IL3RA: variants seen among roughly 807,000 people sequenced by gnomAD.
The protein encoded by IL3RA is interleukin-3 receptor subunit alpha.
A neutral mutation model predicts 52.3 loss-of-function variants in IL3RA; 73 were observed. The ratio of observed to expected loss-of-function variants is 1.40; its 90% CI spans 1.16 to 1.70. The LOEUF is 1.70. IL3RA is among the 40% of genes most tolerant of loss of function. The probability of loss-of-function intolerance (pLI) is 0.00; values close to 1 mark genes in which losing one functional copy is unlikely to be tolerated. For missense variants in IL3RA, 664 were observed against 504.4 expected (o/e 1.32, Z -3.03); for synonymous variants, 260 against 194.0 (o/e 1.34, Z -2.83).
chrX:1,380,967 G>C, intron 10 of IL3RA, 56 bp from the exon 11 acceptor site: 1 of 1,438,134 alleles, frequency 7.0e-7, no homozygotes, highest in South Asian at 1.1e-5. Context: ...CTGTGTCCCA[G>C]ATGATGAGCT....
intron 3 of IL3RA, among the ~76,000 whole-genome samples, chrX:1,347,338 G>A (rs2085791288): frequency 6.6e-6 from 1 of 151,166 alleles, no homozygotes; most frequent in Admixed American, 6.6e-5. Flanking sequence ...CAGCTACTCG[G>A]GAGGCTGAGG....
intron 2 of IL3RA, 151 bp from the exon 3 acceptor site, chrX:1,345,165 T>C (rs140676830): frequency 0.051 from 27,068 of 533,398 alleles, 985 homozygotes; most frequent in Non-Finnish European, 0.069. Flanking sequence ...TGAAACTCCA[T>C]GTCAAAAAAT....
intron 6 of IL3RA, 57 bp from the exon 7 acceptor site, chrX:1,356,163 AG>A (rs2086687975): frequency 1.8e-6 from 2 of 1,119,970 alleles, no homozygotes; most frequent in Non-Finnish European, 2.6e-6. Flanking sequence ...AAAGAGAAAA[AG>A]AAAAAGAATT....
intron 1 of IL3RA, 91 bp from the exon 2 acceptor site, chrX:1,341,637 C>T (rs2085501485): frequency 4.3e-6 from 4 of 940,418 alleles, no homozygotes; most frequent in East Asian, 4.8e-5. Flanking sequence ...CTGCTGTGAG[C>T]ACCAGGCTCT....
intron 1 of IL3RA, 103 bp from the exon 2 acceptor site, chrX:1,341,625 T>C: frequency 5.9e-6 from 5 of 844,756 alleles, no homozygotes; most frequent in Non-Finnish European, 9.6e-6. Context: ...AAGCAGCTCC[T>C]TCTGCTGTGA....
At chrX:1,356,456 T>A in intron 7 of IL3RA, 120 bp downstream of exon 7, 2 of 651,098 alleles carry the variant, frequency 3.1e-6, no homozygotes, top group Non-Finnish European at 2.7e-6. Flanking sequence ...ACAGAAGGCA[T>A]GGATCATTAA....
At chrX:1,348,644 C>CTCTCTTTCTT (rs1556618954) in intron 4 of IL3RA, 99 bp downstream of exon 4, 34 of 496,826 alleles carry the variant, frequency 6.8e-5, no homozygotes, top group African/African-American at 1.5e-4. Context: ...TTTTCTTTTT[C>CTCTCTTTCTT]TCTTTCTTTC....
chrX:1,348,665 T>G (rs1176282849), intron 4 of IL3RA, 120 bp downstream of exon 4: 1 of 452,952 alleles, frequency 2.2e-6, no homozygotes, highest in Admixed American at 4.4e-5. Flanking sequence ...TTTCTTTCTT[T>G]CTTTCTTTCT....
Position 1,352,167 on chromosome X carries a change from C to T in IL3RA, c.366C>T (p.Cys122=), listed in dbSNP as rs1242816932. The change falls in exon 5 of 12, where the codon TGC becomes TGT. Residue 122 remains cysteine (C), a synonymous_variant. Transcript: ENST00000331035. The stretch of plus-strand genomic sequence containing the variant: ...TTCATGACGTGGATTTCTTGAGCTG[C>T]AGCTGGGCGGTAGGCCCGGGGGCCC... ...CWIHDVDFLS[C]SWAVGPGAPA... 1.9e-6 allele frequency: 3 copies of T among 1,613,708 alleles called. No individual in the cohort carries two copies. The highest frequency in any genetic ancestry group is 3.3e-5 in the Admixed American group (2 of 59,976).
chrX:1,377,433 C>T (rs1291863753), intron 9 of IL3RA, among the ~76,000 whole-genome samples: 3 of 151,858 alleles, frequency 2.0e-5, no homozygotes. Flanking sequence ...TAGAGACGGG[C>T]TTTCTGGCCA....
intron 2 of IL3RA, among the ~76,000 whole-genome samples, chrX:1,345,096 A>T (rs1466773829): frequency 1.1e-4 from 16 of 151,364 alleles, no homozygotes; most frequent in Non-Finnish European, 2.1e-4. Flanking sequence ...TTGAACCAGG[A>T]GGCGGAGCTT....
chrX:1,358,778 G>A, intron 7 of IL3RA, 83 bp from the exon 8 acceptor site: 1 of 1,512,654 alleles, frequency 6.6e-7, no homozygotes, highest in South Asian at 1.1e-5. Flanking sequence ...TGGTTTTCCT[G>A]GAGGGAGAAA....
At chrX:1,377,353 G>A (rs1247398982) in intron 9 of IL3RA, among the ~76,000 whole-genome samples, 1 of 151,970 alleles carries the variant, frequency 6.6e-6, no homozygotes, top group African/African-American at 2.4e-5. Flanking sequence ...CCATTCTCCT[G>A]CCTCAGCCTT....
intron 2 of IL3RA, among the ~76,000 whole-genome samples, chrX:1,342,562 T>C (rs754814571): frequency 1.3e-4 from 18 of 143,946 alleles, no homozygotes; most frequent in African/African-American, 4.2e-4. Flanking sequence ...TTAACTTCTT[T>C]TTTTTTTTTT....
rs184249369 is a variant in IL3RA at position 1,376,840 on chromosome X, G to C, written c.875-1819G>C. On this transcript the variant is annotated intron_variant, in intron 9 of 11. Coordinates refer to ENST00000331035, the MANE Select transcript of IL3RA (RefSeq NM_002183.4). ...CCCATAAAAAGGAGATGAGGACACA[G>C]ACACACACGGAGGGACGACCCTGTG... 2.3e-3 allele frequency among the ~76,000 whole-genome samples: 167 copies of C among 72,394 alleles called. 21 individuals carry two copies. The highest frequency in any genetic ancestry group is 6.6e-3 in the African/African-American group (78 of 11,748). 47.5% of individuals were successfully genotyped at this position (72,394 alleles called of 152,430 possible).
chrX:1,349,170 C>T (rs1408922213), intron 4 of IL3RA, among the ~76,000 whole-genome samples: 1 of 137,424 alleles, frequency 7.3e-6, no homozygotes, highest in Non-Finnish European at 1.5e-5. Flanking sequence ...ACCATGCCCA[C>T]CTAATTTTTT....
chrX:1,347,300 C>G (rs17882971), intron 3 of IL3RA, among the ~76,000 whole-genome samples: 1 of 150,824 alleles, frequency 6.6e-6, no homozygotes, highest in Non-Finnish European at 1.5e-5. Flanking sequence ...AAAAATTAGC[C>G]GGGCGTGGTG....
At chrX:1,349,394 C>A (rs776939378) in intron 4 of IL3RA, among the ~76,000 whole-genome samples, 21 of 151,922 alleles carry the variant, frequency 1.4e-4, no homozygotes, top group African/African-American at 4.3e-4. Flanking sequence ...GTTGGTCAGG[C>A]TGGTCTCAAA....
intron 6 of IL3RA, among the ~76,000 whole-genome samples, chrX:1,354,506 A>AG (rs1364945425): frequency 6.6e-5 from 9 of 136,626 alleles, no homozygotes; most frequent in South Asian, 4.7e-4. Context: ...GAGGAGGAGG[A>AG]GAAGGAAAAG....
Sources: gnomAD v4.1 joint callset for allele counts (sites outside exome capture counted in the v4.1 genomes callset) on GRCh38, gnomAD v4.1.1 for gene constraint, MANE v1.5 for transcripts, NCBI Gene and HGNC (gene_info 2026-07-23, HGNC 2026-07-21) for gene names.